Variants in PTPRM observed in about 807,000 individuals in gnomAD.
PTPRM encodes protein tyrosine phosphatase receptor type M, also known as receptor-type tyrosine-protein phosphatase mu.
A neutral mutation model predicts 186.7 loss-of-function variants in PTPRM; 47 were observed. That is an observed-to-expected ratio of 0.25 (90% CI 0.20 to 0.32). PTPRM has a LOEUF of 0.32. Among genes scored for constraint, PTPRM ranks in the 10% least tolerant of loss-of-function variants. The pLI is 1.00. For synonymous variants in PTPRM, 668 were observed against 674.9 expected (o/e 0.99, Z 0.16); for missense variants, 1,494 against 1,865.0 (o/e 0.80, Z 3.66).
chr18:8,316,914 A>G (rs1303004645), intron 21 of PTPRM, among the ~76,000 whole-genome samples: 2 of 152,140 alleles, frequency 1.3e-5, no homozygotes, highest in African/African-American at 4.8e-5. Context: ...CGGCCCAAGC[A>G]AAGGCCTTGT....
At chr18:8,147,009 A>G (rs1391047197) in intron 14 of PTPRM, among the ~76,000 whole-genome samples, 2 of 152,142 alleles carry the variant, frequency 1.3e-5, no homozygotes, top group African/African-American at 4.8e-5. Context: ...ATTGGCCTAT[A>G]TATCCGTTTT....
intron 13 of PTPRM, among the ~76,000 whole-genome samples, chr18:8,135,041 A>T (rs529708989): frequency 2.6e-5 from 4 of 152,194 alleles, no homozygotes; most frequent in Non-Finnish European, 5.9e-5. Flanking sequence ...AATAAAAATT[A>T]TATAAGTTAC....
chr18:7,769,271 G>T (rs890657813), intron 1 of PTPRM, among the ~76,000 whole-genome samples: 4 of 152,046 alleles, frequency 2.6e-5, no homozygotes, highest in African/African-American at 9.7e-5. Context: ...CTGGATGCCT[G>T]GATTCAAGTA....
At chr18:7,848,362 T>C (rs1452666530) in intron 2 of PTPRM, among the ~76,000 whole-genome samples, 1 of 152,248 alleles carries the variant, frequency 6.6e-6, no homozygotes, top group Non-Finnish European at 1.5e-5. Flanking sequence ...GTTGTCATGT[T>C]GCTAATAAAA....
intron 7 of PTPRM, among the ~76,000 whole-genome samples, chr18:8,034,007 T>C (rs945493512): frequency 2.6e-5 from 4 of 152,158 alleles, no homozygotes; most frequent in African/African-American, 9.7e-5. Flanking sequence ...TCCATCTTCA[T>C]GTGGCCTTCA....
chr18:7,657,735 G>A (rs2038885046), intron 1 of PTPRM, among the ~76,000 whole-genome samples: 1 of 152,206 alleles, frequency 6.6e-6, no homozygotes, highest in African/African-American at 2.4e-5. Flanking sequence ...GCTTAAAAAA[G>A]CAGCAGTGAA....
chr18:8,009,492 G>A (rs577553612), intron 7 of PTPRM, among the ~76,000 whole-genome samples: 14 of 152,208 alleles, frequency 9.2e-5, no homozygotes, highest in Middle Eastern at 3.4e-3. Flanking sequence ...GACAGATCAC[G>A]AGGTCAGGAG....
At chr18:8,063,404 G>A (rs553705999) in intron 7 of PTPRM, among the ~76,000 whole-genome samples, 243 of 152,064 alleles carry the variant, frequency 1.6e-3, no homozygotes, top group African/African-American at 5.1e-3. Context: ...GAAATCACCC[G>A]TCTTCTGCGT....
intron 15 of PTPRM, among the ~76,000 whole-genome samples, chr18:8,247,581 A>G (rs1043751107): frequency 2.0e-5 from 3 of 152,194 alleles, no homozygotes; most frequent in African/African-American, 7.2e-5. Flanking sequence ...GAATTTCTCT[A>G]TCCAAAATGG....
intron 1 of PTPRM, among the ~76,000 whole-genome samples, chr18:7,604,949 TC>T (rs1302020488): frequency 5.3e-5 from 8 of 152,140 alleles, no homozygotes; most frequent in Non-Finnish European, 8.8e-5. Flanking sequence ...CTGCTATAGG[TC>T]CTCAAAATAG....
chr18:8,041,831 C>CCTT (rs986256632), intron 7 of PTPRM, among the ~76,000 whole-genome samples: 37 of 152,182 alleles, frequency 2.4e-4, no homozygotes, highest in African/African-American at 8.7e-4. Context: ...ACACATGTTT[C>CCTT]CTTCATGCAA....
At chr18:8,057,248 C>T (rs984628493) in intron 7 of PTPRM, among the ~76,000 whole-genome samples, 1 of 151,740 alleles carries the variant, frequency 6.6e-6, no homozygotes, top group African/African-American at 2.4e-5. Flanking sequence ...TGAAACAAAA[C>T]ATAAAATGTT....
intron 13 of PTPRM, among the ~76,000 whole-genome samples, chr18:8,133,507 C>A (rs948859113): frequency 6.6e-6 from 1 of 152,116 alleles, no homozygotes; most frequent in Admixed American, 6.6e-5. Context: ...AGGGGACAAG[C>A]AAGGTGCTCT....
intron 1 of PTPRM, among the ~76,000 whole-genome samples, chr18:7,711,836 GGGTCTTATA>G (rs763851608): frequency 1.4e-4 from 22 of 152,164 alleles, no homozygotes; most frequent in Non-Finnish European, 2.9e-4. Context: ...GACCCAGTCA[GGGTCTTATA>G]GGTAAAACCC....
At chr18:7,954,163 G>T (rs889255811) in intron 6 of PTPRM, among the ~76,000 whole-genome samples, 3 of 152,184 alleles carry the variant, frequency 2.0e-5, no homozygotes, top group Non-Finnish European at 4.4e-5. Context: ...AATATACTGG[G>T]AGTACTATTT....
At chr18:8,244,267 G>A in intron 15 of PTPRM, 58 bp downstream of exon 15, 2 of 1,418,968 alleles carry the variant, frequency 1.4e-6, no homozygotes, top group Non-Finnish European at 1.9e-6. Context: ...AAGATTCCAG[G>A]TGGTACTAGG....
intron 1 of PTPRM, among the ~76,000 whole-genome samples, chr18:7,757,607 C>T (rs1158122885): frequency 6.6e-6 from 1 of 152,146 alleles, no homozygotes; most frequent in Non-Finnish European, 1.5e-5. Flanking sequence ...CAAGTAAAAA[C>T]ACACACACCA....
chr18:7,632,808 G>A (rs2038223047), intron 1 of PTPRM, among the ~76,000 whole-genome samples: 1 of 152,186 alleles, frequency 6.6e-6, no homozygotes, highest in African/African-American at 2.4e-5. Flanking sequence ...GAATTAGCAT[G>A]CCTGATTAGT....
intron 1 of PTPRM, among the ~76,000 whole-genome samples, chr18:7,603,559 A>C (rs1409313130): frequency 1.3e-5 from 2 of 152,174 alleles, no homozygotes; most frequent in East Asian, 1.9e-4. Flanking sequence ...GCAGATCCTG[A>C]GTGATGGACT....
Sources: allele counts gnomAD v4.1 joint callset (sites outside exome capture counted in the v4.1 genomes callset), GRCh38; gene constraint gnomAD v4.1.1; transcripts MANE v1.5; gene names NCBI Gene and HGNC (gene_info 2026-07-23, HGNC 2026-07-21).